TYR: variants seen among roughly 807,000 people sequenced by gnomAD.
The protein encoded by TYR is LB24-AB.
TYR carries 58 observed loss-of-function variants against 51.5 expected under a neutral mutation model. The ratio of observed to expected loss-of-function variants is 1.13; its 90% CI spans 0.91 to 1.40. The LOEUF (loss-of-function observed/expected upper bound fraction) is 1.40. Ranked by LOEUF, TYR falls within the 40% of genes most tolerant of loss-of-function variation. The pLI, the probability that TYR is intolerant of heterozygous loss-of-function variation, is 0.00. For synonymous variants in TYR, 263 were observed against 235.2 expected (o/e 1.12, Z -1.08); for missense variants, 732 against 647.4 (o/e 1.13, Z -1.42).
rs149698239 is a variant in TYR, at chr11:89,263,889, C to G, written c.1185-20884C>G. Among the ~76,000 whole-genome samples, 1,426 of 152,124 alleles carry G rather than the reference C, an allele frequency of 9.4e-3. 23 individuals are homozygous for G. Among genetic ancestry groups the G allele is most frequent in the African/African-American group, 0.033 (1,370 of 41,538 alleles). On this transcript the variant is annotated intron_variant, in intron 3 of 4. Transcript: ENST00000263321. Reference sequence around the variant, plus strand: ...CCCCCCTTGTTCACAGATTGGAAGACTTAACTATCATTAACATGACAATAC... The same window carrying G: ...CCCCCCTTGTTCACAGATTGGAAGAGTTAACTATCATTAACATGACAATAC...
At chr11:89,263,366 C>T (rs1055435319) in intron 3 of TYR, among the ~76,000 whole-genome samples, 1 of 151,596 alleles carries the variant, frequency 6.6e-6, no homozygotes, top group South Asian at 2.1e-4. Context: ...TGATAAATAA[C>T]ACCTATGAAA....
At chr11:89,181,506 C>T (rs1453527909) in intron 1 of TYR, among the ~76,000 whole-genome samples, 1 of 152,190 alleles carries the variant, frequency 6.6e-6, no homozygotes, top group South Asian at 2.1e-4. Flanking sequence ...AAGAACTAGA[C>T]TATTTGTGTG....
At chr11:89,225,326 CATTATT>C (rs1943963455) in intron 2 of TYR, among the ~76,000 whole-genome samples, 2 of 151,788 alleles carry the variant, frequency 1.3e-5, no homozygotes, top group African/African-American at 4.8e-5. Flanking sequence ...GTATACCATA[CATTATT>C]ATTAACTATA....
chr11:89,264,514 C>G (rs1182474414), intron 3 of TYR, among the ~76,000 whole-genome samples: 2 of 151,832 alleles, frequency 1.3e-5, no homozygotes, highest in Non-Finnish European at 2.9e-5. Context: ...GTGGCAATCT[C>G]TTGAAGACCT....
intron 3 of TYR, among the ~76,000 whole-genome samples, chr11:89,234,759 GT>G (rs1944089591): frequency 6.6e-6 from 1 of 151,900 alleles, no homozygotes; most frequent in Admixed American, 6.6e-5. Flanking sequence ...GGCACTGTTT[GT>G]GGTGTCCCAA....
intron 4 of TYR, among the ~76,000 whole-genome samples, chr11:89,287,915 C>T (rs866134802): frequency 6.6e-6 from 1 of 151,726 alleles, no homozygotes; most frequent in African/African-American, 2.4e-5. Context: ...ATTTTGAAGG[C>T]AAAATTTACA....
At chr11:89,226,976 A>T (rs1050284159) in intron 2 of TYR, among the ~76,000 whole-genome samples, 3 of 152,044 alleles carry the variant, frequency 2.0e-5, no homozygotes, top group Non-Finnish European at 4.4e-5. Context: ...TAATGGGCAC[A>T]TGGGAGAGAA....
chr11:89,212,966 A>G (rs1369235608), intron 2 of TYR, among the ~76,000 whole-genome samples: 2 of 152,172 alleles, frequency 1.3e-5, no homozygotes, highest in Non-Finnish European at 2.9e-5. Flanking sequence ...ATTTATGACA[A>G]ACCCGCAGCC....
chr11:89,274,183 G>A (rs1054571215), intron 3 of TYR, among the ~76,000 whole-genome samples: 1 of 151,854 alleles, frequency 6.6e-6, no homozygotes, highest in Non-Finnish European at 1.5e-5. Flanking sequence ...TCCAGAATCT[G>A]TGAGGCTAAC....
chr11:89,236,234 A>C (rs911879592), intron 3 of TYR, among the ~76,000 whole-genome samples: 1 of 132,710 alleles, frequency 7.5e-6, no homozygotes, highest in East Asian at 2.1e-4. Flanking sequence ...TCACACACAC[A>C]TACACACACA....
chr11:89,190,803 A>G (rs1591142524), intron 1 of TYR, among the ~76,000 whole-genome samples: 1 of 152,178 alleles, frequency 6.6e-6, no homozygotes, highest in East Asian at 1.9e-4. Flanking sequence ...TTTAAAAAAA[A>G]ATTTTATACT....
intron 3 of TYR, among the ~76,000 whole-genome samples, chr11:89,271,000 T>C (rs1040226630): frequency 2.0e-5 from 3 of 151,906 alleles, no homozygotes; most frequent in Non-Finnish European, 4.4e-5. Context: ...AGGAGGAATA[T>C]GTCAACTCTT....
At chr11:89,272,184 T>C (rs953266496) in intron 3 of TYR, among the ~76,000 whole-genome samples, 1 of 151,940 alleles carries the variant, frequency 6.6e-6, no homozygotes, top group Non-Finnish European at 1.5e-5. Flanking sequence ...TTTGCTCAAA[T>C]TCATCAGAGG....
At chr11:89,225,299 C>A (rs1246299764) in intron 2 of TYR, among the ~76,000 whole-genome samples, 3 of 151,904 alleles carry the variant, frequency 2.0e-5, no homozygotes, top group African/African-American at 7.2e-5. Context: ...AAAATCTACT[C>A]TCTTAGCAAT....
intron 3 of TYR, among the ~76,000 whole-genome samples, chr11:89,259,922 G>GCTTAAGAACCAGATTGGTT (rs1335650014): frequency 6.6e-6 from 1 of 151,960 alleles, no homozygotes; most frequent in African/African-American, 2.4e-5. Flanking sequence ...GAGTTGATGG[G>GCTTAAGAACCAGATTGGTT]CTTAAGAACC....
intron 3 of TYR, among the ~76,000 whole-genome samples, chr11:89,257,791 T>A (rs575187567): frequency 4.6e-5 from 7 of 152,160 alleles, no homozygotes; most frequent in African/African-American, 1.7e-4. Context: ...ATCAAATGAC[T>A]CAAACTTTCT....
intron 3 of TYR, among the ~76,000 whole-genome samples, chr11:89,264,760 C>A (rs1401256093): frequency 2.0e-5 from 3 of 147,766 alleles, no homozygotes; most frequent in African/African-American, 2.6e-5. Flanking sequence ...AACAAACAAA[C>A]GAGATCATGT....
At chr11:89,240,145 A>T (rs1944172600) in intron 3 of TYR, among the ~76,000 whole-genome samples, 1 of 152,098 alleles carries the variant, frequency 6.6e-6, no homozygotes, top group Non-Finnish European at 1.5e-5. Flanking sequence ...TGCTGGGCTT[A>T]ATACCTGGTT....
chr11:89,290,642 C>T (rs190504196), intron 4 of TYR, among the ~76,000 whole-genome samples: 17 of 151,952 alleles, frequency 1.1e-4, no homozygotes, highest in Non-Finnish European at 1.9e-4. Context: ...GGCTCACCAA[C>T]AACCTGTCTG....
Sources: allele counts gnomAD v4.1 joint callset (sites outside exome capture counted in the v4.1 genomes callset), GRCh38; gene constraint gnomAD v4.1.1; transcripts MANE v1.5; gene names NCBI Gene and HGNC (gene_info 2026-07-23, HGNC 2026-07-21).